Variants in C6orf52 observed in about 807,000 individuals in gnomAD.
C6orf52 encodes putative uncharacterized protein C6orf52.
Under a neutral mutation model 16.6 loss-of-function variants are expected in C6orf52, and 16 were observed. The observed-to-expected ratio is 0.96, with a 90% confidence interval of 0.65 to 1.46. C6orf52 has a LOEUF of 1.46. Ranked by LOEUF, C6orf52 falls within the 40% of genes most tolerant of loss-of-function variation. The pLI is 0.00. For missense variants in C6orf52, 166 were observed against 182.3 expected, an observed-to-expected ratio of 0.91 and a Z score of 0.52; for synonymous variants, 53 against 61.4, an observed-to-expected ratio of 0.86 and a Z score of 0.64.
In C6orf52 at chr6:10,691,782, G is replaced by A. The variant is rs138175926; in HGVS notation, c.-12+2712C>T. On this transcript the variant is annotated intron_variant, in intron 1 of 4. Transcript: ENST00000259983. ...ATTAGTAACACCTGGACTAGATGTT[G>A]TCTAAGTCCTCTGAGCTCTGTAATT... is the stretch of plus-strand genomic sequence containing the variant. 2.5e-4 allele frequency among the ~76,000 whole-genome samples: 38 copies of A among 152,224 alleles called. 1 individual carries two copies. In the East Asian group the frequency reaches 7.0e-3, roughly 28 times the overall value.
chr6:10,681,100 G>A (rs1012424174), intron 4 of C6orf52, among the ~76,000 whole-genome samples: 2 of 152,136 alleles, frequency 1.3e-5, no homozygotes, highest in African/African-American at 4.8e-5. Context: ...ACCAGGCCTG[G>A]CCTGATGGGA....
chr6:10,692,921 T>C (rs1355340877), intron 1 of C6orf52, among the ~76,000 whole-genome samples: 1 of 152,224 alleles, frequency 6.6e-6, no homozygotes, highest in South Asian at 2.1e-4. Context: ...GTGTTTACAT[T>C]TGGCGTGGAC....
At chr6:10,672,474 G>T in intron 4 of C6orf52, 1 of 643,586 alleles carries the variant, frequency 1.6e-6, no homozygotes, top group South Asian at 1.8e-5. Context: ...GAGGTCATAA[G>T]AGTTGGGTGC....
chr6:10,693,468 C>G (rs1410941732), intron 1 of C6orf52, among the ~76,000 whole-genome samples: 1 of 152,236 alleles, frequency 6.6e-6, no homozygotes, highest in African/African-American at 2.4e-5. Flanking sequence ...AAGACCCAAA[C>G]TAGCCTCTAT....
rs143100608 is a variant in C6orf52, at chr6:10,691,491, C to G, written c.-12+3003G>C. Reference sequence around the variant, plus strand: ...CACAGTGCTTTTCTATACAATGTCTCTAATCTACAGATAACATAACCGATT... The same window carrying G: ...CACAGTGCTTTTCTATACAATGTCTGTAATCTACAGATAACATAACCGATT... On this transcript the variant is annotated intron_variant, in intron 1 of 4. Transcript: ENST00000259983. 5.8e-3 allele frequency among the ~76,000 whole-genome samples: 884 copies of G among 152,190 alleles called. 8 individuals carry two copies. The highest frequency in any genetic ancestry group is 0.02 in the African/African-American group (839 of 41,510).
intron 1 of C6orf52, among the ~76,000 whole-genome samples, chr6:10,688,199 G>GT (rs776752770): frequency 2.5e-4 from 36 of 145,470 alleles, no homozygotes; most frequent in Middle Eastern, 3.5e-3. Flanking sequence ...CTCTGGTTCA[G>GT]TTTTTTTTTT....
chr6:10,676,930 T>C (rs1767948048), intron 4 of C6orf52, among the ~76,000 whole-genome samples: 1 of 152,208 alleles, frequency 6.6e-6, no homozygotes, highest in African/African-American at 2.4e-5. Flanking sequence ...TCATAATCAC[T>C]TGCATAGCGT....
At chr6:10,692,889 C>T (rs1234677961) in intron 1 of C6orf52, among the ~76,000 whole-genome samples, 1 of 152,192 alleles carries the variant, frequency 6.6e-6, no homozygotes, top group Non-Finnish European at 1.5e-5. Context: ...AGTTTGTCAA[C>T]AGCATTTCAG....
At chr6:10,685,247 G>GAAA (rs34615421) in intron 3 of C6orf52, among the ~76,000 whole-genome samples, 1,622 of 73,004 alleles carry the variant, frequency 0.022, 33 homozygotes, top group African/African-American at 0.05. Flanking sequence ...AGGGGCAAAA[G>GAAA]AAAAAAAAAA....
chr6:10,678,649 A>G (rs892297537), intron 4 of C6orf52, among the ~76,000 whole-genome samples: 1 of 152,172 alleles, frequency 6.6e-6, no homozygotes, highest in African/African-American at 2.4e-5. Flanking sequence ...TGCATATAAA[A>G]GTTGTTTACA....
chr6:10,685,001 G>A (rs575683968), intron 3 of C6orf52: 68 of 793,836 alleles, frequency 8.6e-5, no homozygotes, highest in African/African-American at 8.4e-4. Flanking sequence ...CGGCCTGAGG[G>A]TGAGATAAAA....
At chr6:10,676,764 C>G (rs1767928380) in intron 4 of C6orf52, among the ~76,000 whole-genome samples, 1 of 152,302 alleles carries the variant, frequency 6.6e-6, no homozygotes, top group East Asian at 1.9e-4. Flanking sequence ...TTTTCCTTTT[C>G]GGAGGCCTGT....
intron 1 of C6orf52, among the ~76,000 whole-genome samples, chr6:10,688,420 T>C (rs1269816006): frequency 7.9e-5 from 12 of 152,230 alleles, no homozygotes; most frequent in Non-Finnish European, 8.8e-5. Context: ...GGTTTGGCCA[T>C]TTCCCTGCAG....
intron 1 of C6orf52, among the ~76,000 whole-genome samples, chr6:10,690,986 TA>T (rs1769243077): frequency 6.6e-6 from 1 of 152,198 alleles, no homozygotes; most frequent in Admixed American, 6.5e-5. Flanking sequence ...CAGCCATGCA[TA>T]AAATGAAATG....
chr6:10,687,399 A>G (rs2127469628), intron 2 of C6orf52, 81 bp downstream of exon 2: 1 of 1,115,132 alleles, frequency 9.0e-7, no homozygotes, highest in Non-Finnish European at 1.3e-6. Context: ...AAAAAAAGCC[A>G]TAGTTTGTAA....
intron 1 of C6orf52, among the ~76,000 whole-genome samples, chr6:10,689,214 G>A (rs551231020): frequency 2.0e-5 from 3 of 152,180 alleles, no homozygotes; most frequent in Non-Finnish European, 4.4e-5. Flanking sequence ...CAGGAGATCC[G>A]CTCGCCTTAG....
At chr6:10,692,502 G>A (rs1465751817) in intron 1 of C6orf52, among the ~76,000 whole-genome samples, 1 of 151,956 alleles carries the variant, frequency 6.6e-6, no homozygotes, top group African/African-American at 2.4e-5. Flanking sequence ...GTGCAGTGGC[G>A]GGATCTCGGC....
intron 3 of C6orf52, among the ~76,000 whole-genome samples, chr6:10,686,343 C>T (rs1225635681): frequency 6.6e-6 from 1 of 152,002 alleles, no homozygotes; most frequent in East Asian, 1.9e-4. Flanking sequence ...AGCAAGAGTA[C>T]AGGAGAAAGA....
chr6:10,671,758 G>C lies in C6orf52; in HGVS notation c.317-160C>G, dbSNP rs191698486. On this transcript the variant is annotated intron_variant, in intron 4 of 4. Transcript: ENST00000259983. ...TGCATATTTCCTTTCAATAAGACTT[G>C]AAAATAGAAATTTAAGCTATAAAAG... Among the ~76,000 whole-genome samples the C allele has an allele frequency of 4.6e-5, 7 of 152,298 alleles. No homozygotes were observed. The East Asian group carries it at 1.3e-3, about 29-fold the overall frequency.
Sources: allele counts gnomAD v4.1 joint callset (sites outside exome capture counted in the v4.1 genomes callset), GRCh38; gene constraint gnomAD v4.1.1; transcripts MANE v1.5; gene names NCBI Gene and HGNC (gene_info 2026-07-23, HGNC 2026-07-21).